The following BCAS4 variants were observed in gnomAD, a reference collection of about 807,000 sequenced individuals.
BCAS4 encodes the protein breast carcinoma-amplified sequence 4.
Under a neutral mutation model 15.7 loss-of-function variants are expected in BCAS4, and 9 were observed. The observed-to-expected ratio is 0.57, with a 90% CI of 0.34 to 1.00. BCAS4 has a LOEUF of 1.00. Ranked by LOEUF, BCAS4 falls within the 50% of genes least tolerant of loss-of-function variation. The pLI is 0.02. For synonymous variants in BCAS4, 101 were observed against 99.5 expected (o/e 1.02, Z -0.09); for missense variants, 225 against 239.1 (o/e 0.94, Z 0.39).
chr20:50,861,011 A>C (rs1473833006), intron 4 of BCAS4, among the ~76,000 whole-genome samples: 2 of 152,004 alleles, frequency 1.3e-5, no homozygotes, highest in Non-Finnish European at 2.9e-5. Flanking sequence ...AAAAAAAAAA[A>C]AAGTCTGGAT....
intron 1 of BCAS4, among the ~76,000 whole-genome samples, chr20:50,800,559 C>CTTTT (rs562113048): frequency 3.6e-5 from 4 of 112,624 alleles, no homozygotes; most frequent in South Asian, 2.8e-4. Flanking sequence ...TTGAACATCC[C>CTTTT]TTTTTTTTTT....
chr20:50,836,658 G>A (rs1172042489), intron 3 of BCAS4, among the ~76,000 whole-genome samples: 1 of 152,306 alleles, frequency 6.6e-6, no homozygotes, highest in South Asian at 2.1e-4. Flanking sequence ...GACCTGCCAG[G>A]TGAGAGCTTG....
intron 2 of BCAS4, among the ~76,000 whole-genome samples, chr20:50,828,858 G>C (rs1270328117): frequency 6.6e-6 from 1 of 152,176 alleles, no homozygotes; most frequent in Non-Finnish European, 1.5e-5. Flanking sequence ...GATACCAGGA[G>C]GGTGAGACCA....
intron 4 of BCAS4, among the ~76,000 whole-genome samples, chr20:50,868,931 C>A (rs145667685): frequency 4.6e-5 from 7 of 152,216 alleles, no homozygotes; most frequent in African/African-American, 1.7e-4. Flanking sequence ...GCTGACAGGG[C>A]GTCTCAAGGA....
chr20:50,828,491 A>AATCTG (rs1258332614), intron 2 of BCAS4, among the ~76,000 whole-genome samples: 1 of 152,128 alleles, frequency 6.6e-6, no homozygotes, highest in Non-Finnish European at 1.5e-5. Flanking sequence ...TTTAAATAAA[A>AATCTG]ATCTGGGGCC....
At chr20:50,806,858 T>C (rs2087995792) in intron 1 of BCAS4, among the ~76,000 whole-genome samples, 1 of 147,400 alleles carries the variant, frequency 6.8e-6, no homozygotes, top group African/African-American at 2.5e-5. Flanking sequence ...ACAGTCCATT[T>C]ATACTTTTTT....
intron 1 of BCAS4, among the ~76,000 whole-genome samples, chr20:50,814,531 G>C (rs1368425358): frequency 2.0e-5 from 3 of 152,184 alleles, no homozygotes; most frequent in Admixed American, 6.5e-5. Context: ...GCGATCCTCT[G>C]GCCTCAGCCT....
intron 4 of BCAS4, among the ~76,000 whole-genome samples, chr20:50,867,451 A>G (rs1202898658): frequency 1.3e-5 from 2 of 152,070 alleles, no homozygotes; most frequent in Admixed American, 6.5e-5. Flanking sequence ...AGCTCAAGCA[A>G]TCCTCCCACC....
chr20:50,860,082 G>A (rs1412977988), intron 4 of BCAS4, among the ~76,000 whole-genome samples: 1 of 152,164 alleles, frequency 6.6e-6, no homozygotes, highest in African/African-American at 2.4e-5. Flanking sequence ...GCTGCAGTGA[G>A]CTGTGATTGC....
At chr20:50,823,124 G>A (rs1473086103) in intron 2 of BCAS4, among the ~76,000 whole-genome samples, 2 of 151,744 alleles carry the variant, frequency 1.3e-5, no homozygotes, top group Non-Finnish European at 2.9e-5. Flanking sequence ...TGGATCACCT[G>A]AGGTCAGGAG....
Position 50,795,073 on chromosome 20 carries a change from T to C in BCAS4, c.-11T>C. On this transcript the variant is annotated 5_prime_UTR_variant, in exon 1 of 5. Coordinates refer to ENST00000371608, the MANE Select transcript of BCAS4 (RefSeq NM_198799.4). ...GGCAGCCTCCGCCAGCCGGACCCCG[T>C]CGCCCTCCTGATGCTGCTCGTGGAC... 1 of 1,493,040 alleles carries C rather than the reference T, an allele frequency of 6.7e-7. No homozygotes were observed. The allele number at this position is 1,493,040 out of a possible 1,614,324, so 92.5% of individuals were successfully genotyped here. A position where few individuals can be genotyped will look rare whatever the true frequency, so the allele number is the denominator to read the frequency against.
intron 4 of BCAS4, among the ~76,000 whole-genome samples, chr20:50,866,385 G>A (rs2123844093): frequency 6.6e-6 from 1 of 152,354 alleles, no homozygotes. Context: ...CACAGGTCCT[G>A]CAGGCCAGGC....
intron 4 of BCAS4, among the ~76,000 whole-genome samples, chr20:50,854,200 T>C (rs186091529): frequency 5.6e-4 from 86 of 152,278 alleles, no homozygotes; most frequent in African/African-American, 2.0e-3. Flanking sequence ...GGGTTTTGTA[T>C]CTTGGTGGTG....
At chr20:50,842,086 ACGGTT>A (rs1167455422) in intron 4 of BCAS4, among the ~76,000 whole-genome samples, 186 bp downstream of exon 4, 2 of 152,140 alleles carry the variant, frequency 1.3e-5, no homozygotes, top group Non-Finnish European at 2.9e-5. Context: ...CTGGGCTGTG[ACGGTT>A]CGTGTGCTCA....
At chr20:50,845,958 C>T (rs979713137) in intron 4 of BCAS4, among the ~76,000 whole-genome samples, 15 of 152,336 alleles carry the variant, frequency 9.8e-5, no homozygotes, top group South Asian at 2.1e-4. Context: ...CCGAGGGGTC[C>T]GGTGCAGGAA....
chr20:50,863,239 T>C lies in BCAS4; in HGVS notation c.400-13247T>C, dbSNP rs529285499. On this transcript the variant is annotated intron_variant, in intron 4 of 4. Transcript: ENST00000371608. ...GTAGGTCAGGTTTTCTTCCCAGAGC[T>C]AACTGGTGCTTTTTTTTTTTTTTTT... 1.2e-4 allele frequency among the ~76,000 whole-genome samples: 18 copies of C among 144,474 alleles called. 1 individual carries two copies. In the South Asian group the frequency reaches 3.5e-3, roughly 28 times the overall value. 94.8% of individuals were successfully genotyped at this position (144,474 alleles called of 152,430 possible).
intron 3 of BCAS4, among the ~76,000 whole-genome samples, chr20:50,831,392 A>T (rs560251591): frequency 6.6e-6 from 1 of 152,188 alleles, no homozygotes; most frequent in East Asian, 1.9e-4. Context: ...CAGCCTGGGC[A>T]ACAGAGCAAG....
Position 50,875,602 on chromosome 20 carries a change from T to TAA in BCAS4, c.400-865_400-864dup, listed in dbSNP as rs3971637. 7.2e-3 allele frequency among the ~76,000 whole-genome samples: 720 copies of TAA among 100,498 alleles called. 5 individuals are homozygous for TAA. Among genetic ancestry groups the TAA allele is most frequent in the African/African-American group, 9.5e-3 (296 of 31,180 alleles). 65.9% of individuals were successfully genotyped at this position (100,498 alleles called of 152,430 possible). A position where few individuals can be genotyped will look rare whatever the true frequency, so the allele number is the denominator to read the frequency against. ...CAACATGGCAAAACCTCATCTCTAC[T>TAA]AAAAAAAAAAAAAAAAAAAAGAAAA... On this transcript the variant is annotated intron_variant, in intron 4 of 4. Transcript: ENST00000371608.
chr20:50,812,720 G>A (rs1057117833), intron 1 of BCAS4, among the ~76,000 whole-genome samples: 39 of 152,186 alleles, frequency 2.6e-4, no homozygotes, highest in Admixed American at 2.0e-4. Context: ...GATTACAGGC[G>A]TGAGCCACCA....
Sources: gnomAD v4.1 joint callset for allele counts (sites outside exome capture counted in the v4.1 genomes callset) on GRCh38, gnomAD v4.1.1 for gene constraint, MANE v1.5 for transcripts, NCBI Gene and HGNC (gene_info 2026-07-23, HGNC 2026-07-21) for gene names.